The following SLC11A2 variants were observed in gnomAD, a reference collection of about 807,000 sequenced individuals.
SLC11A2 encodes the protein solute carrier family 11 member 2.
Under a neutral mutation model 68.0 loss-of-function variants are expected in SLC11A2, and 38 were observed. The ratio of observed to expected loss-of-function variants is 0.56; its 90% CI spans 0.43 to 0.73. The LOEUF is 0.73. Among genes scored for constraint, SLC11A2 ranks in the 30% least tolerant of loss-of-function variants. The pLI is 0.00. For missense variants in SLC11A2, 517 were observed against 690.5 expected, an observed-to-expected ratio of 0.75 and a Z score of 2.82; for synonymous variants, 242 against 250.6, an observed-to-expected ratio of 0.97 and a Z score of 0.32.
chr12:50,982,769 C>T (rs1212574100), downstream of SLC11A2, among the ~76,000 whole-genome samples: 2 of 151,900 alleles, frequency 1.3e-5, no homozygotes, highest in Non-Finnish European at 2.9e-5. Flanking sequence ...CATGGCGAAA[C>T]CCCTCGACTA....
chr12:50,994,465 G>A (rs1359457943), intron 11 of SLC11A2, 79 bp downstream of exon 11: 3 of 881,632 alleles, frequency 3.4e-6, no homozygotes, highest in African/African-American at 3.3e-5. Context: ...CATATCTGAA[G>A]TGAAGTCACA....
chr12:50,986,518 G>A lies in SLC11A2; in HGVS notation c.*1807C>T. ...ATGCTTGTAAATCTGAGACTGACTG[G>A]ACCCACCCAGACCCAGGGCAAAGAT... On this transcript the variant is annotated 3_prime_UTR_variant, in exon 16 of 16. Transcript: ENST00000262052. The A allele has an allele frequency of 7.8e-7, 1 of 1,283,768 alleles. No individual in the cohort carries two copies. The highest frequency in any genetic ancestry group is 1.0e-6 in the Non-Finnish European group (1 of 985,594). The allele number at this position is 1,283,768 out of a possible 1,614,324, so 79.5% of individuals were successfully genotyped here. A position where few individuals can be genotyped will look rare whatever the true frequency, so the allele number is the denominator to read the frequency against.
chr12:50,974,006 C>T, the SLC11A2 span, among the ~76,000 whole-genome samples: 864 of 152,204 alleles, frequency 5.7e-3, 9 homozygotes, highest in Non-Finnish European at 6.6e-3. Context: ...ACCAAATCTA[C>T]GTCTGATTGG....
At chr12:51,026,058 A>AC (rs201795475) in intron 1 of SLC11A2, 36,202 of 1,091,682 alleles carry the variant, frequency 0.033, 691 homozygotes, top group Admixed American at 0.055. Context: ...AAGGGGCGAG[A>AC]CCCCCGCGAC....
chr12:50,967,411 T>C, the SLC11A2 span, among the ~76,000 whole-genome samples: 1 of 152,190 alleles, frequency 6.6e-6, no homozygotes, highest in Non-Finnish European at 1.5e-5. Flanking sequence ...CCTCTCAAAG[T>C]GCTGGGATTA....
Position 51,008,478 on chromosome 12 carries a change from C to T in SLC11A2, c.181G>A (p.Glu61Lys). Residue 61 changes from glutamate (E) to lysine (K), a missense_variant and splice_region_variant, in exon 3 of 16, where the codon GAG becomes AAG. Glu to Lys is a moderately conservative substitution (Grantham distance 56). Coordinates refer to ENST00000262052, the MANE Select transcript of SLC11A2 (RefSeq NM_000617.3). ...TCCTCCAAGGACCTGATACTAACCTCCTCCTCAGGAATGGAGATCTTCTCA... is the reference window on the plus strand; with the variant it reads ...TCCTCCAAGGACCTGATACTAACCTTCTCCTCAGGAATGGAGATCTTCTCA... ...FNEKISIPEE[E>K]YSCFSFRKLW... 6.2e-7 allele frequency: 1 copy of T among 1,612,964 alleles called. No individual in the cohort carries two copies. The highest frequency in any genetic ancestry group is 8.5e-7 in the Non-Finnish European group (1 of 1,179,070).
the SLC11A2 span, among the ~76,000 whole-genome samples, chr12:50,956,572 T>A: frequency 6.6e-6 from 1 of 152,204 alleles, no homozygotes; most frequent in East Asian, 1.9e-4. Flanking sequence ...ACTGTTCAAA[T>A]CATCTTACAA....
chr12:50,982,938 CAA>C (rs34727368), downstream of SLC11A2, among the ~76,000 whole-genome samples: 997 of 89,984 alleles, frequency 0.011, 16 homozygotes, highest in African/African-American at 0.041. Flanking sequence ...GAGACTCCGT[CAA>C]AAAAAAAAAA....
the SLC11A2 span, among the ~76,000 whole-genome samples, chr12:50,963,369 C>CA: frequency 0.012 from 871 of 72,052 alleles, 5 homozygotes; most frequent in African/African-American, 0.017. Context: ...GACTCCATCT[C>CA]AAAAAAAAAA....
At chr12:50,967,699 G>A in the SLC11A2 span, among the ~76,000 whole-genome samples, 11 of 152,216 alleles carry the variant, frequency 7.2e-5, no homozygotes, top group Admixed American at 5.9e-4. Flanking sequence ...AACCAATTCC[G>A]GATAACCCAG....
the SLC11A2 span, among the ~76,000 whole-genome samples, chr12:50,973,598 G>C: frequency 6.6e-6 from 1 of 152,184 alleles, no homozygotes; most frequent in African/African-American, 2.4e-5. Context: ...TCCTCCAAAG[G>C]AATGCAGCTC....
chr12:51,020,387 C>CAA (rs1943959113), intron 1 of SLC11A2, among the ~76,000 whole-genome samples: 1 of 152,058 alleles, frequency 6.6e-6, no homozygotes, highest in Non-Finnish European at 1.5e-5. Context: ...AAAAAAAAGT[C>CAA]AGGTTGAAGA....
upstream of SLC11A2, among the ~76,000 whole-genome samples, chr12:51,027,455 C>T (rs1319399054): frequency 6.6e-6 from 1 of 151,994 alleles, no homozygotes; most frequent in African/African-American, 2.4e-5. Flanking sequence ...GAAACATCAG[C>T]TAGTGCAGCC....
intron 6 of SLC11A2, chr12:50,999,646 C>T: frequency 1.8e-6 from 1 of 549,522 alleles, no homozygotes; most frequent in Non-Finnish European, 3.2e-6. Context: ...GGATACAAAG[C>T]TGAAAAGTTT....
chr12:50,966,482 C>T, the SLC11A2 span, among the ~76,000 whole-genome samples: 1 of 152,104 alleles, frequency 6.6e-6, no homozygotes, highest in Non-Finnish European at 1.5e-5. Flanking sequence ...TGGTCTCCAC[C>T]CAAGAGATGC....
the SLC11A2 span, chr12:50,961,198 A>G: frequency 1.6e-6 from 2 of 1,261,870 alleles, no homozygotes; most frequent in Non-Finnish European, 2.2e-6. Context: ...TTGGGTCACA[A>G]TGATGTAATG....
intron 10 of SLC11A2, chr12:50,994,967 C>T (rs903127082): frequency 3.3e-5 from 11 of 334,748 alleles, no homozygotes; most frequent in Non-Finnish European, 6.2e-5. Flanking sequence ...TCAGTCAAAG[C>T]AGACAGAGGA....
intron 1 of SLC11A2, 24 bp from the exon 2 acceptor site, chr12:51,010,790 G>A: frequency 4.6e-6 from 6 of 1,308,012 alleles, no homozygotes; most frequent in Non-Finnish European, 6.6e-6. Flanking sequence ...AAGTGAGGGA[G>A]AAGAATTAGG....
At chr12:51,026,456 T>C (rs1004057796), upstream of SLC11A2, 19 of 836,218 alleles carry the variant, frequency 2.3e-5, no homozygotes, top group Non-Finnish European at 2.9e-5. Flanking sequence ...CTGGAGTCCC[T>C]GCAGCGGCCG....
Sources: gnomAD v4.1 joint callset for allele counts (sites outside exome capture counted in the v4.1 genomes callset) on GRCh38, gnomAD v4.1.1 for gene constraint, MANE v1.5 for transcripts, NCBI Gene and HGNC (gene_info 2026-07-23, HGNC 2026-07-21) for gene names.